Variants in FOXP2 observed in about 807,000 individuals in gnomAD.
FOXP2 encodes forkhead box protein P2.
Under a neutral mutation model 115.8 loss-of-function variants are expected in FOXP2, and 12 were observed. The ratio of observed to expected loss-of-function variants is 0.10; its 90% CI spans 0.07 to 0.17. The LOEUF (loss-of-function observed/expected upper bound fraction) is 0.17. Among genes scored for constraint, FOXP2 ranks in the 10% least tolerant of loss-of-function variants. The pLI, the probability that FOXP2 is intolerant of heterozygous loss-of-function variation, is 1.00. For synonymous variants in FOXP2, 328 were observed against 297.7 expected, an observed-to-expected ratio of 1.10 and a Z score of -1.05; for missense variants, 629 against 843.5, an observed-to-expected ratio of 0.75 and a Z score of 3.15.
chr7:114,483,937 C>T (rs1402255522), intron 2 of FOXP2, among the ~76,000 whole-genome samples: 1 of 151,724 alleles, frequency 6.6e-6, no homozygotes, highest in Non-Finnish European at 1.5e-5. Context: ...TCTACTTCTT[C>T]TAGTACTATA....
At chr7:114,523,041 T>C (rs967466585) in intron 2 of FOXP2, among the ~76,000 whole-genome samples, 9 of 152,058 alleles carry the variant, frequency 5.9e-5, no homozygotes, top group South Asian at 2.1e-4. Context: ...TTCATTCTTT[T>C]AATAGTATTT....
At chr7:114,622,490 G>A (rs1166922339) in intron 3 of FOXP2, among the ~76,000 whole-genome samples, 1 of 151,842 alleles carries the variant, frequency 6.6e-6, no homozygotes, top group Admixed American at 6.6e-5. Flanking sequence ...AGAAAACCAT[G>A]CAGCTAAATG....
chr7:114,688,739 C>A (rs573986468), intron 16 of FOXP2, among the ~76,000 whole-genome samples: 1 of 152,282 alleles, frequency 6.6e-6, no homozygotes, highest in Non-Finnish European at 1.5e-5. Context: ...TTGTGTTCCT[C>A]ACCAGTGTTT....
chr7:114,345,165 T>C, intron 2 of FOXP2, among the ~76,000 whole-genome samples: 1 of 151,930 alleles, frequency 6.6e-6, no homozygotes, highest in East Asian at 1.9e-4. Flanking sequence ...TGCAATACTT[T>C]AGTTGAATTG....
chr7:114,145,431 TTTTTC>T (rs61612673), intron 1 of FOXP2, among the ~76,000 whole-genome samples: 1,847 of 100,328 alleles, frequency 0.018, 47 homozygotes, highest in African/African-American at 0.054. Context: ...GCTTTGCCAT[TTTTTC>T]TTTTCTTTTC....
chr7:114,378,701 A>G lies in FOXP2; in HGVS notation c.-10-47801A>G, dbSNP rs12705963. Among the ~76,000 whole-genome samples the G allele has an allele frequency of 7.8e-4, 83 of 106,790 alleles. 2 individuals carry two copies. The highest frequency in any genetic ancestry group is 2.2e-3 in the African/African-American group (63 of 28,200). The allele number at this position is 106,790 out of a possible 152,430, so 70.1% of individuals were successfully genotyped here. ...CCTGTCTCCAAAAAAAAAAAAAAAAAGGAAAAGAAAAAGAAAGAAAGTGAA... is the reference window on the plus strand; with the variant it reads ...CCTGTCTCCAAAAAAAAAAAAAAAAGGGAAAAGAAAAAGAAAGAAAGTGAA... On this transcript the variant is annotated intron_variant, in intron 2 of 17. Transcript: ENST00000634411.
At chr7:114,177,450 C>A (rs145169848) in intron 1 of FOXP2, among the ~76,000 whole-genome samples, 2 of 151,936 alleles carry the variant, frequency 1.3e-5, no homozygotes, top group African/African-American at 4.8e-5. Flanking sequence ...TTTTTAACTG[C>A]TCTATAACAT....
chr7:114,657,830 G>C (rs1351162582), intron 10 of FOXP2, among the ~76,000 whole-genome samples: 2 of 152,220 alleles, frequency 1.3e-5, no homozygotes, highest in East Asian at 1.9e-4. Flanking sequence ...GGACAAGAAG[G>C]AGTTAGTCCT....
At chr7:114,139,286 G>T (rs1371705622) in intron 1 of FOXP2, among the ~76,000 whole-genome samples, 1 of 152,176 alleles carries the variant, frequency 6.6e-6, no homozygotes, top group African/African-American at 2.4e-5. Context: ...AGTTTTAACT[G>T]CTAGGCTTTA....
At chr7:114,324,069 G>C (rs971903805) in intron 2 of FOXP2, among the ~76,000 whole-genome samples, 2 of 152,008 alleles carry the variant, frequency 1.3e-5, no homozygotes, top group African/African-American at 4.8e-5. Context: ...CCTCATCACA[G>C]TCTTTACACA....
chr7:114,687,729 G>A (rs573978000), intron 16 of FOXP2, among the ~76,000 whole-genome samples: 4 of 152,244 alleles, frequency 2.6e-5, no homozygotes, highest in African/African-American at 9.6e-5. Context: ...ATATGTGACA[G>A]TACTTTTAGA....
intron 2 of FOXP2, among the ~76,000 whole-genome samples, chr7:114,390,729 T>TTC (rs1792576497): frequency 2.0e-5 from 3 of 151,542 alleles, no homozygotes; most frequent in Admixed American, 2.0e-4. Flanking sequence ...TGATTTTTTT[T>TTC]TTTCTTTCTT....
chr7:114,600,470 A>G (rs1019980415), intron 3 of FOXP2, among the ~76,000 whole-genome samples: 13 of 152,222 alleles, frequency 8.5e-5, no homozygotes, highest in African/African-American at 3.1e-4. Context: ...CAAAGCTGCT[A>G]TAAACATTTG....
intron 2 of FOXP2, among the ~76,000 whole-genome samples, chr7:114,387,763 C>G (rs1321531432): frequency 3.9e-5 from 6 of 152,096 alleles, no homozygotes; most frequent in Middle Eastern, 3.4e-3. Flanking sequence ...TAATGAAATC[C>G]TGGCATGGTT....
At chr7:114,342,778 G>A (rs1011024881) in intron 2 of FOXP2, among the ~76,000 whole-genome samples, 2 of 151,314 alleles carry the variant, frequency 1.3e-5, no homozygotes, top group East Asian at 1.9e-4. Context: ...ATAAATTTTA[G>A]GGAGGTTAAA....
chr7:114,192,230 C>T (rs1793780432), intron 1 of FOXP2, among the ~76,000 whole-genome samples: 1 of 152,098 alleles, frequency 6.6e-6, no homozygotes, highest in African/African-American at 2.4e-5. Flanking sequence ...CGTGATCTGC[C>T]CGCCTTTGCC....
At chr7:114,310,608 G>A (rs569839193) in intron 2 of FOXP2, among the ~76,000 whole-genome samples, 14 of 152,112 alleles carry the variant, frequency 9.2e-5, no homozygotes, top group Admixed American at 9.2e-4. Context: ...AGGCATCAGA[G>A]TTTCTAGTTG....
chr7:114,288,508 G>A (rs951622368), intron 2 of FOXP2, among the ~76,000 whole-genome samples: 1 of 151,742 alleles, frequency 6.6e-6, no homozygotes, highest in Non-Finnish European at 1.5e-5. Context: ...TGGTATTGAA[G>A]TTTTGGGGGG....
At chr7:114,205,947 T>C (rs1486790969) in intron 1 of FOXP2, among the ~76,000 whole-genome samples, 1 of 152,178 alleles carries the variant, frequency 6.6e-6, no homozygotes, top group African/African-American at 2.4e-5. Flanking sequence ...TTAGAACCCA[T>C]GGCCAAGCTT....
Sources: gnomAD v4.1 joint callset for allele counts (sites outside exome capture counted in the v4.1 genomes callset) on GRCh38, gnomAD v4.1.1 for gene constraint, MANE v1.5 for transcripts, NCBI Gene and HGNC (gene_info 2026-07-23, HGNC 2026-07-21) for gene names.